SDHA: variants seen among roughly 807,000 people sequenced by gnomAD.
The protein encoded by SDHA is succinate dehydrogenase complex flavoprotein subunit A.
SDHA carries 48 observed loss-of-function variants against 78.4 expected under a neutral mutation model. The observed-to-expected ratio is 0.61, with a 90% CI of 0.49 to 0.78. The LOEUF is 0.78. Among genes scored for constraint, SDHA ranks in the 30% least tolerant of loss-of-function variants. SDHA has a pLI of 0.00. For missense variants in SDHA, 680 were observed against 892.7 expected, an observed-to-expected ratio of 0.76 and a Z score of 3.04; for synonymous variants, 326 against 353.9, an observed-to-expected ratio of 0.92 and a Z score of 0.88.
At chr5:220,815 A>ATTTTTTT (rs753343756) in intron 1 of SDHA, among the ~76,000 whole-genome samples, 27,634 of 138,452 alleles carry the variant, frequency 0.2, 4,414 homozygotes, top group African/African-American at 0.44. Flanking sequence ...TGTGAACTGA[A>ATTTTTTT]TTTTTTTTTT....
At chr5:258,209 C>A (rs1486432045), downstream of SDHA, among the ~76,000 whole-genome samples, 1 of 126,236 alleles carries the variant, frequency 7.9e-6, no homozygotes, top group Non-Finnish European at 1.6e-5. Context: ...CACCCCCTGC[C>A]AGAGCATTAC....
At chr5:236,172 C>T in intron 9 of SDHA, 3 of 491,862 alleles carry the variant, frequency 6.1e-6, no homozygotes, top group Non-Finnish European at 1.1e-5. Context: ...TTACAGGCAC[C>T]CGCCATTATG....
intron 1 of SDHA, among the ~76,000 whole-genome samples, chr5:221,112 C>T (rs1734690836): frequency 6.6e-6 from 1 of 152,098 alleles, no homozygotes; most frequent in South Asian, 2.1e-4. Context: ...CACGCCCGGC[C>T]GAACTGTATT....
At chr5:253,534 G>C (rs998333152) in intron 13 of SDHA, among the ~76,000 whole-genome samples, 16 of 152,082 alleles carry the variant, frequency 1.1e-4, no homozygotes, top group African/African-American at 3.9e-4. Flanking sequence ...TGCCTCCCGG[G>C]TTCAAGTGAT....
intron 1 of SDHA, among the ~76,000 whole-genome samples, chr5:220,815 A>ATTTTT (rs753343756): frequency 5.0e-5 from 7 of 139,090 alleles, no homozygotes; most frequent in African/African-American, 1.4e-4. Flanking sequence ...TGTGAACTGA[A>ATTTTT]TTTTTTTTTT....
At chr5:220,085 T>C (rs1012161659) in intron 1 of SDHA, among the ~76,000 whole-genome samples, 1 of 152,150 alleles carries the variant, frequency 6.6e-6, no homozygotes, top group African/African-American at 2.4e-5. Context: ...GTTTGGAAAA[T>C]AGATGCTGAG....
intron 11 of SDHA, among the ~76,000 whole-genome samples, chr5:245,150 C>T (rs58235474): frequency 0.24 from 36,695 of 152,126 alleles, 6,874 homozygotes; most frequent in African/African-American, 0.53. Context: ...GGACACATAG[C>T]TCCAACATTT....
intron 11 of SDHA, among the ~76,000 whole-genome samples, chr5:243,180 A>G (rs1486737499): frequency 1.3e-5 from 2 of 152,236 alleles, no homozygotes; most frequent in African/African-American, 4.8e-5. Flanking sequence ...CTGCAGATCA[A>G]CAGGGAAATA....
intron 3 of SDHA, 37 bp from the exon 4 acceptor site, chr5:225,382 C>T: frequency 6.2e-7 from 1 of 1,611,972 alleles, no homozygotes; most frequent in South Asian, 1.1e-5. Context: ...GTTGGCGCTC[C>T]TGTTTGTGGC....
At position 233,642 on chromosome 5, in the gene SDHA, G is replaced by C; in HGVS notation, c.1061G>C (p.Gly354Ala). The C allele has an allele frequency of 1.2e-6, 2 of 1,614,008 alleles. No homozygotes were observed. Among genetic ancestry groups the C allele is most frequent in the Non-Finnish European group, 1.7e-6 (2 of 1,179,888 alleles). Residue 354 changes from glycine to alanine, a missense_variant, in exon 8 of 15, where the codon GGA (glycine) becomes GCA (alanine). Gly to Ala is a moderately conservative substitution (Grantham distance 60, BLOSUM62 0). Coordinates refer to ENST00000264932, the MANE Select transcript of SDHA (RefSeq NM_004168.4). ...TCCATGACTCTGGAGATCCGAGAAG[G>C]AAGGTGCGTGTGATTTACCACCAGC... is the stretch of plus-strand genomic sequence containing the variant. ...SRSMTLEIRE[G>A]RGCGPEKDHV...
At position 256,321 on chromosome 5, in the gene SDHA, T is replaced by G. The variant is rs1251494316; in HGVS notation, c.1909-13T>G. ...TTTTTGTGCTTAACTTACCACTGAC[T>G]CTTCTTTTCAAGGTCACTCTGGAAT... On this transcript the variant is annotated splice_polypyrimidine_tract_variant and intron_variant, in intron 14 of 14. Transcript: ENST00000264932. 1 of 943,514 alleles carries G rather than the reference T, an allele frequency of 1.1e-6. No homozygotes were observed. The highest frequency in any genetic ancestry group is 1.7e-5 in the African/African-American group (1 of 58,140). The allele number at this position is 943,514 out of a possible 1,614,324, so 58.4% of individuals were successfully genotyped here. A position where few individuals can be genotyped will look rare whatever the true frequency, so the allele number is the denominator to read the frequency against.
At chr5:222,202 CAG>C (rs1489643970) in intron 1 of SDHA, among the ~76,000 whole-genome samples, 1 of 152,066 alleles carries the variant, frequency 6.6e-6, no homozygotes, top group Non-Finnish European at 1.5e-5. Flanking sequence ...CCAATAAAAA[CAG>C]AGACTAGAAA....
intron 6 of SDHA, 115 bp from the exon 7 acceptor site, chr5:230,761 T>C: frequency 2.1e-6 from 3 of 1,398,614 alleles, no homozygotes; most frequent in Non-Finnish European, 2.0e-6. Context: ...GGGTTGTGTG[T>C]GCACAGCACT....
At position 230,942 on chromosome 5, in the gene SDHA, G is replaced by T. The variant is rs746145822; in HGVS notation, c.837G>T (p.Met279Ile). Residue 279 changes from methionine to isoleucine, a missense_variant, in exon 7 of 15, where the codon ATG becomes ATT. Transcript: ENST00000264932. ...AHTSTGDGTA[M>I]ITRAGLPCQD... ...CCAGCACTGGCGACGGCACGGCCAT[G>T]ATCACCAGGGCAGGCCTTCCTTGCC... 6.2e-7 allele frequency: 1 copy of T among 1,614,038 alleles called. No homozygotes were observed. The highest frequency in any genetic ancestry group is 8.5e-7 in the Non-Finnish European group (1 of 1,179,900).
rs573050170 is a variant in SDHA, at chr5:254,668, G to A, written c.1908+162G>A. ...TGAAAAAGGCACTCCGACAGCAGTCGGGCTTCGGGCTGGAAACAGAATCCA... is the reference window on the plus strand; with the variant it reads ...TGAAAAAGGCACTCCGACAGCAGTCAGGCTTCGGGCTGGAAACAGAATCCA... On this transcript the variant is annotated intron_variant, in intron 14 of 14. Coordinates refer to ENST00000264932, the MANE Select transcript of SDHA (RefSeq NM_004168.4). Among the ~76,000 whole-genome samples the A allele has an allele frequency of 1.1e-4, 16 of 152,252 alleles. No homozygotes were observed. In the East Asian group the frequency reaches 1.7e-3, roughly 17 times the overall value.
At chr5:267,952 T>C in the SDHA span, among the ~76,000 whole-genome samples, 2 of 152,278 alleles carry the variant, frequency 1.3e-5, no homozygotes, top group Admixed American at 6.5e-5. Flanking sequence ...CCCCCATCAT[T>C]GGCAATACCC....
At chr5:248,029 C>T (rs2126624266) in intron 11 of SDHA, among the ~76,000 whole-genome samples, 1 of 152,350 alleles carries the variant, frequency 6.6e-6, no homozygotes, top group East Asian at 1.9e-4. Flanking sequence ...AAGGCCAGAT[C>T]TTATCAGCAG....
intron 14 of SDHA, among the ~76,000 whole-genome samples, chr5:254,950 G>T (rs1231709649): frequency 1.3e-5 from 2 of 152,036 alleles, no homozygotes; most frequent in African/African-American, 4.8e-5. Flanking sequence ...GTCTGCAGGG[G>T]AGCTGAGGGG....
intron 11 of SDHA, among the ~76,000 whole-genome samples, chr5:245,334 A>G (rs893077963): frequency 7.9e-5 from 12 of 152,238 alleles, no homozygotes; most frequent in Non-Finnish European, 1.3e-4. Context: ...TAGATTTAAA[A>G]GACTGTTTCT....
Sources: allele counts gnomAD v4.1 joint callset (sites outside exome capture counted in the v4.1 genomes callset), GRCh38; gene constraint gnomAD v4.1.1; transcripts MANE v1.5; gene names NCBI Gene and HGNC (gene_info 2026-07-23, HGNC 2026-07-21).